PRR11: variants seen among roughly 807,000 people sequenced by gnomAD.
PRR11 encodes proline rich 11.
A neutral mutation model predicts 45.6 loss-of-function variants in PRR11; 30 were observed. The observed-to-expected ratio is 0.66, with a 90% CI of 0.49 to 0.89. The LOEUF is 0.89. PRR11 is among the 40% of genes least tolerant of loss of function. The pLI is 0.00. For missense variants in PRR11, 373 were observed against 424.8 expected (o/e 0.88, Z 1.07); for synonymous variants, 128 against 153.5 (o/e 0.83, Z 1.23).
At chr17:59,197,655 A>G (rs779843572) in intron 8 of PRR11, 38 bp from the exon 9 acceptor site, 70 of 1,611,276 alleles carry the variant, frequency 4.3e-5, no homozygotes, top group Non-Finnish European at 5.1e-5. Flanking sequence ...AAAAGTTGCC[A>G]TAAAATACAG....
In PRR11 at chr17:59,161,332, G is replaced by A. The variant is rs1451691353; in HGVS notation, c.-6+5527G>A. 3.3e-5 allele frequency among the ~76,000 whole-genome samples: 5 copies of A among 150,692 alleles called. No homozygotes were observed. The East Asian group carries it at 5.9e-4, about 18-fold the overall frequency. Reference sequence around the variant, plus strand: ...TGAGGCAGGAGAATCGCTTGAACTCGGGAGGCAGAGGTTGCAGTGAACCGA... The same window carrying A: ...TGAGGCAGGAGAATCGCTTGAACTCAGGAGGCAGAGGTTGCAGTGAACCGA... On this transcript the variant is annotated intron_variant, in intron 1 of 9. Transcript: ENST00000262293.
intron 1 of PRR11, among the ~76,000 whole-genome samples, chr17:59,162,524 A>T (rs74748447): frequency 6.6e-6 from 1 of 152,284 alleles, no homozygotes; most frequent in South Asian, 2.1e-4. Flanking sequence ...ACAAAAAAAA[A>T]TAGCAGTCCA....
intron 7 of PRR11, among the ~76,000 whole-genome samples, chr17:59,196,612 A>G (rs2046867133): frequency 6.6e-6 from 1 of 151,784 alleles, no homozygotes. Flanking sequence ...CCTGACCTCA[A>G]ATGACCCACC....
chr17:59,204,943 A>C lies in PRR11; in HGVS notation c.*3312A>C, dbSNP rs2046911227. Among the ~76,000 whole-genome samples, 1 of 152,090 alleles carries C rather than the reference A, an allele frequency of 6.6e-6. No homozygotes were observed. Among genetic ancestry groups the C allele is most frequent in the Admixed American group, 6.6e-5 (1 of 15,252 alleles). On this transcript the variant is annotated 3_prime_UTR_variant, in exon 10 of 10. Transcript: ENST00000262293. ...CTCAGGAGACTGAGGTGGGAGAATC[A>C]CTTGAGCCTGGGAGGTTGAGGCTGC...
chr17:59,177,043 C>T, intron 2 of PRR11: 2 of 447,994 alleles, frequency 4.5e-6, no homozygotes, highest in Non-Finnish European at 8.8e-6. Flanking sequence ...ATAGTATAAT[C>T]CTCTTTTTTG....
intron 4 of PRR11, among the ~76,000 whole-genome samples, chr17:59,193,175 T>C (rs899538236): frequency 6.6e-6 from 1 of 152,184 alleles, no homozygotes; most frequent in Non-Finnish European, 1.5e-5. Flanking sequence ...CCTTCCAAAG[T>C]GCTGGGATTA....
rs539074354 is a variant in PRR11 at position 59,179,854 on chromosome 17, CAG to C, written c.129-5199_129-5198del. 1.1e-3 allele frequency: 1,492 copies of C among 1,344,810 alleles called. 2 individuals are homozygous for C. Among genetic ancestry groups the C allele is most frequent in the Non-Finnish European group, 1.4e-3 (1,298 of 958,652 alleles). 83.3% of individuals were successfully genotyped at this position (1,344,810 alleles called of 1,614,324 possible). A position where few individuals can be genotyped will look rare whatever the true frequency, so the allele number is the denominator to read the frequency against. On this transcript the variant is annotated intron_variant, in intron 2 of 9. Coordinates refer to ENST00000262293, the MANE Select transcript of PRR11 (RefSeq NM_018304.4). ...TCCTTTTCCAGCAAAGGGACCCACA[CAG>C]GGGGCTGGGATCTACCCCAGGGGCT...
At chr17:59,175,457 C>G (rs550810090) in intron 2 of PRR11, among the ~76,000 whole-genome samples, 4 of 152,152 alleles carry the variant, frequency 2.6e-5, no homozygotes, top group East Asian at 1.9e-4. Context: ...AGACCCTCGT[C>G]TCTATAAAAA....
intron 2 of PRR11, chr17:59,177,234 T>C (rs1291441372): frequency 1.8e-6 from 1 of 547,176 alleles, no homozygotes; most frequent in Non-Finnish European, 3.7e-6. Flanking sequence ...TAAAATATGC[T>C]ATGACCATAG....
rs746010252 is a variant in PRR11 at position 59,174,090 on chromosome 17, TCA to T, written c.128+4213_128+4214del. ...GAACCATCGTGTTCAGCTGTGAAAC[TCA>T]CAGTTTGGTAACCCTGACTCCAAAA... On this transcript the variant is annotated intron_variant, in intron 2 of 9. Transcript: ENST00000262293. 5.3e-5 allele frequency among the ~76,000 whole-genome samples: 8 copies of T among 152,338 alleles called. No homozygotes were observed. The East Asian group carries it at 7.7e-4, about 15-fold the overall frequency.
In PRR11 at chr17:59,201,553, T is replaced by C; in HGVS notation, c.1015-10T>C. ...ATTGATATTATAATTGGGACTTTTTTTTTTTATAGCTGGCTCACCCTAGAA... is the reference window on the plus strand; with the variant it reads ...ATTGATATTATAATTGGGACTTTTTCTTTTTATAGCTGGCTCACCCTAGAA... On this transcript the variant is annotated splice_polypyrimidine_tract_variant and intron_variant, in intron 9 of 9. Transcript: ENST00000262293. 6.2e-7 allele frequency: 1 copy of C among 1,609,512 alleles called. No individual in the cohort carries two copies. Among genetic ancestry groups the C allele is most frequent in the Non-Finnish European group, 8.5e-7 (1 of 1,179,708 alleles).
At chr17:59,192,855 A>G (rs913197854) in intron 4 of PRR11, among the ~76,000 whole-genome samples, 1 of 152,232 alleles carries the variant, frequency 6.6e-6, no homozygotes, top group Non-Finnish European at 1.5e-5. Flanking sequence ...CATGTTCCAG[A>G]TCCTTTGCTT....
In PRR11 at chr17:59,204,496, G is replaced by A. The variant is rs528297037; in HGVS notation, c.*2865G>A. The A allele has an allele frequency of 4.2e-4, 64 of 151,206 alleles. No homozygotes were observed. Among genetic ancestry groups the A allele is most frequent in the Middle Eastern group, 6.9e-3 (2 of 290 alleles). The allele number at this position is 151,206 out of a possible 1,614,324, so 9.4% of individuals were successfully genotyped here. Reference sequence around the variant, plus strand: ...GCGGGCAAAACACTTGAGGTCAGACGTTTGAGACCAGCCTGGCCAACATGG... The same window carrying A: ...GCGGGCAAAACACTTGAGGTCAGACATTTGAGACCAGCCTGGCCAACATGG... On this transcript the variant is annotated 3_prime_UTR_variant, in exon 10 of 10. Coordinates refer to ENST00000262293, the MANE Select transcript of PRR11 (RefSeq NM_018304.4).
chr17:59,194,101 A>T (rs1459768982), intron 5 of PRR11, among the ~76,000 whole-genome samples: 1 of 152,226 alleles, frequency 6.6e-6, no homozygotes, highest in African/African-American at 2.4e-5. Flanking sequence ...GTTTCATATC[A>T]TTAGGCTGGA....
intron 4 of PRR11, among the ~76,000 whole-genome samples, chr17:59,189,981 A>C (rs1398365949): frequency 6.6e-6 from 1 of 152,168 alleles, no homozygotes; most frequent in Non-Finnish European, 1.5e-5. Context: ...CTCTAAAAAA[A>C]AAAAGTTTTC....
intron 6 of PRR11, 70 bp downstream of exon 6, chr17:59,194,925 G>A: frequency 7.6e-7 from 1 of 1,322,162 alleles, no homozygotes. Context: ...TATAATCCCA[G>A]CACTTTGGGA....
At chr17:59,177,888 C>G (rs1452206043) in intron 2 of PRR11, among the ~76,000 whole-genome samples, 1 of 152,144 alleles carries the variant, frequency 6.6e-6, no homozygotes, top group East Asian at 1.9e-4. Context: ...GCCTGTACTC[C>G]CAACTGCTCA....
rs560700642 is a variant in PRR11 at position 59,206,233 on chromosome 17, A to T, written c.*4602A>T. ...AACGAAAAATTAGCCGGGAGCGGTGATGTGTGCCTGTAGTCCCAGCTACTC... is the reference window on the plus strand; with the variant it reads ...AACGAAAAATTAGCCGGGAGCGGTGTTGTGTGCCTGTAGTCCCAGCTACTC... On this transcript the variant is annotated 3_prime_UTR_variant, in exon 10 of 10. Coordinates refer to ENST00000262293, the MANE Select transcript of PRR11 (RefSeq NM_018304.4). Among the ~76,000 whole-genome samples, 32 of 152,020 alleles carry T rather than the reference A, an allele frequency of 2.1e-4. No homozygotes were observed. Among genetic ancestry groups the T allele is most frequent in the Non-Finnish European group, 3.5e-4 (24 of 67,958 alleles).
In PRR11 at chr17:59,195,419, C is replaced by T. The variant is rs531683675; in HGVS notation, c.833C>T (p.Ser278Leu). ...VTLKPNSKVLSTRVTNVLITP... is the reference protein window; with the variant it reads ...VTLKPNSKVLLTRVTNVLITP... ...CTGAAACCTAACTCCAAAGTGTTAT[C>T]GACTCGAGTTACAAACGTCTTAATG... The change falls in exon 7 of 10, where the codon TCG becomes TTG. Residue 278 changes from serine to leucine, a missense_variant. By Grantham distance (145) the Ser-to-Leu change is moderately radical. Transcript: ENST00000262293. 3 of 1,610,746 alleles carry T rather than the reference C, an allele frequency of 1.9e-6. No homozygotes were observed. Among genetic ancestry groups the T allele is most frequent in the South Asian group, 1.1e-5 (1 of 91,004 alleles).
Sources: gnomAD v4.1 joint callset for allele counts (sites outside exome capture counted in the v4.1 genomes callset) on GRCh38, gnomAD v4.1.1 for gene constraint, MANE v1.5 for transcripts, NCBI Gene and HGNC (gene_info 2026-07-23, HGNC 2026-07-21) for gene names.